Variants in RPS6KA2 observed in about 807,000 individuals in gnomAD.
The protein encoded by RPS6KA2 is ribosomal protein S6 kinase alpha-2.
In RPS6KA2, 42 loss-of-function variants were observed where a neutral mutation model predicts 91.8. The ratio of observed to expected loss-of-function variants is 0.46; its 90% CI spans 0.36 to 0.59. The LOEUF (loss-of-function observed/expected upper bound fraction) is 0.59, where lower values mean the gene tolerates loss of function less well. Ranked by LOEUF, RPS6KA2 falls within the 20% of genes least tolerant of loss-of-function variation. The pLI is 0.00. For synonymous variants in RPS6KA2, 414 were observed against 393.6 expected, an observed-to-expected ratio of 1.05 and a Z score of -0.61; for missense variants, 798 against 978.5, an observed-to-expected ratio of 0.82 and a Z score of 2.46.
intron 7 of RPS6KA2, among the ~76,000 whole-genome samples, chr6:166,498,855 C>A (rs1781901082): frequency 6.6e-6 from 1 of 152,196 alleles, no homozygotes; most frequent in Admixed American, 6.5e-5. Context: ...AAGCCGAAAT[C>A]CTCAAAGCGT....
At chr6:166,549,733 G>A (rs371679852) in intron 1 of RPS6KA2, among the ~76,000 whole-genome samples, 41 of 152,074 alleles carry the variant, frequency 2.7e-4, no homozygotes, top group African/African-American at 9.7e-4. Flanking sequence ...TCATCAGGAT[G>A]GTATTGCCAC....
At chr6:166,559,772 A>G (rs1414344113) in intron 1 of RPS6KA2, among the ~76,000 whole-genome samples, 1 of 152,208 alleles carries the variant, frequency 6.6e-6, no homozygotes, top group African/African-American at 2.4e-5. Context: ...GTTATACCAT[A>G]TATTAGATGT....
At chr6:166,545,844 C>G (rs1473900600) in intron 1 of RPS6KA2, among the ~76,000 whole-genome samples, 1 of 152,218 alleles carries the variant, frequency 6.6e-6, no homozygotes, top group African/African-American at 2.4e-5. Flanking sequence ...TAAACGGTGA[C>G]TGACAGATGG....
intron 2 of RPS6KA2, among the ~76,000 whole-genome samples, chr6:166,658,263 T>C (rs1368306811): frequency 6.6e-6 from 1 of 152,110 alleles, no homozygotes; most frequent in Admixed American, 6.5e-5. Context: ...GGGTCAGCCC[T>C]GCTGAGCCCA....
chr6:166,416,419 C>G (rs562542674), intron 19 of RPS6KA2, among the ~76,000 whole-genome samples: 1 of 152,132 alleles, frequency 6.6e-6, no homozygotes, highest in South Asian at 2.1e-4. Context: ...ATCCCCATCA[C>G]CTCCACCATT....
intron 2 of RPS6KA2, among the ~76,000 whole-genome samples, chr6:166,799,721 T>C (rs1380449646): frequency 6.6e-6 from 1 of 151,922 alleles, no homozygotes; most frequent in East Asian, 1.9e-4. Flanking sequence ...CCAGAAGATA[T>C]ACCTTTTTCA....
chr6:166,666,558 A>G lies in RPS6KA2; in HGVS notation c.124-127774T>C, dbSNP rs985066951. On this transcript the variant is annotated intron_variant, in intron 2 of 21. Transcript: ENST00000503859. This position sits in a 1 kb window ranked among gnomAD's most constrained non-coding sequence, Gnocchi z 4.0. ...AAATCAACACCACAAGCAAATCAAC[A>G]CCCGATAAGATACCCCCTCTCACCT... Among the ~76,000 whole-genome samples, 1 of 152,148 alleles carries G rather than the reference A, an allele frequency of 6.6e-6. No homozygotes were observed. Among genetic ancestry groups the G allele is most frequent in the African/African-American group, 2.4e-5 (1 of 41,436 alleles).
rs1786216880 is a variant in RPS6KA2, at chr6:166,612,418, C to A, written c.99+14503G>T. Among the ~76,000 whole-genome samples, 1 of 152,124 alleles carries A rather than the reference C, an allele frequency of 6.6e-6. No homozygotes were observed. The highest frequency in any genetic ancestry group is 6.5e-5 in the Admixed American group (1 of 15,272). On this transcript the variant is annotated intron_variant, in intron 1 of 20. Coordinates refer to ENST00000265678, the MANE Select transcript of RPS6KA2 (RefSeq NM_021135.6). The surrounding 1 kb of genome is among the most constrained non-coding windows in gnomAD (Gnocchi z 4.3). ...TTCCTTAGGAGAAAGATGGCATGCA[C>A]CCCTGGGTCACCTGGCAAAGCTATA...
intron 2 of RPS6KA2, among the ~76,000 whole-genome samples, chr6:166,779,710 C>T (rs1302924196): frequency 2.6e-5 from 4 of 152,156 alleles, no homozygotes; most frequent in Non-Finnish European, 4.4e-5. Flanking sequence ...TGAGCAGATT[C>T]GGCTCAACTC....
intron 2 of RPS6KA2, among the ~76,000 whole-genome samples, chr6:166,755,903 T>C (rs1477791247): frequency 1.3e-5 from 2 of 152,246 alleles, no homozygotes; most frequent in Non-Finnish European, 2.9e-5. Context: ...CACGTGTGGA[T>C]AAGCCACTTG....
rs564159071 is a variant in RPS6KA2 at position 166,448,608 on chromosome 6, C to T, written c.1332+116G>A. 409 of 1,316,294 alleles carry T rather than the reference C, an allele frequency of 3.1e-4. 3 individuals are homozygous for T. In the African/African-American group the frequency reaches 4.6e-3, roughly 15 times the overall value. The allele number at this position is 1,316,294 out of a possible 1,614,324, so 81.5% of individuals were successfully genotyped here. ...CCCATGTGCTGTACATGCTCCCACA[C>T]GCTGCACTCACACAGGGCCCTGCTA... On this transcript the variant is annotated intron_variant, in intron 14 of 20. Coordinates refer to ENST00000265678, the MANE Select transcript of RPS6KA2 (RefSeq NM_021135.6). The surrounding 1 kb of genome is among the most constrained non-coding windows in gnomAD (Gnocchi z 4.7).
At chr6:166,589,725 A>G (rs113484377) in intron 1 of RPS6KA2, among the ~76,000 whole-genome samples, 143 of 152,366 alleles carry the variant, frequency 9.4e-4, no homozygotes, top group African/African-American at 3.2e-3. Flanking sequence ...CTCTGCATGA[A>G]AAACAGAGCG....
chr6:166,860,079 T>C (rs990285944), intron 1 of RPS6KA2, among the ~76,000 whole-genome samples: 2 of 152,150 alleles, frequency 1.3e-5, no homozygotes, highest in African/African-American at 2.4e-5. Flanking sequence ...TGGACAAAAC[T>C]AGAGAGGAAA....
At chr6:166,450,539 TGGGGACCACCACA>T (rs148761401) in intron 13 of RPS6KA2, among the ~76,000 whole-genome samples, 2,204 of 120,618 alleles carry the variant, frequency 0.018, no homozygotes, top group East Asian at 0.12. Flanking sequence ...GGGAACACCA[TGGGGACCACCACA>T]GGGGACCACC....
chr6:166,791,967 G>C (rs565605935), intron 2 of RPS6KA2, among the ~76,000 whole-genome samples: 33 of 151,946 alleles, frequency 2.2e-4, no homozygotes, highest in Admixed American at 1.1e-3. Context: ...AGAGAAGCAA[G>C]AGCAAACACA....
chr6:166,770,801 T>TA lies in RPS6KA2; in HGVS notation c.123+87398dup, dbSNP rs555974651. The TA allele has an allele frequency of 5.5e-3, 7,186 of 1,299,094 alleles. 15 individuals carry two copies. The highest frequency in any genetic ancestry group is 0.022 in the African/African-American group (1,476 of 66,100). The allele number at this position is 1,299,094 out of a possible 1,614,324, so 80.5% of individuals were successfully genotyped here. Reference sequence around the variant, plus strand: ...ATTGAAAAAGACTTCATGTTTAACTTAAAAAAAAAATGTAACTCACATAAG... The same window carrying TA: ...ATTGAAAAAGACTTCATGTTTAACTTAAAAAAAAAAATGTAACTCACATAAG... On this transcript the variant is annotated intron_variant, in intron 2 of 21. Coordinates refer to the RPS6KA2 transcript ENST00000503859. This position sits in a 1 kb window ranked among gnomAD's most constrained non-coding sequence, Gnocchi z 5.1.
chr6:166,663,222 C>T (rs1020660211), intron 2 of RPS6KA2, among the ~76,000 whole-genome samples: 6 of 152,220 alleles, frequency 3.9e-5, no homozygotes, highest in African/African-American at 1.4e-4. Flanking sequence ...AATAGATAAT[C>T]TTCCTACTGT....
At chr6:166,822,468 C>T (rs1233105456) in intron 2 of RPS6KA2, among the ~76,000 whole-genome samples, 1 of 152,216 alleles carries the variant, frequency 6.6e-6, no homozygotes, top group Non-Finnish European at 1.5e-5. Context: ...GGAACCCACC[C>T]TGTGGACACC....
chr6:166,538,877 G>A (rs1783566339), intron 1 of RPS6KA2, 93 bp from the exon 2 acceptor site: 8 of 661,726 alleles, frequency 1.2e-5, no homozygotes, highest in Non-Finnish European at 1.9e-5. Flanking sequence ...CCACGAGCTG[G>A]GTCTGTTACA....
Sources: gnomAD v4.1 joint callset for allele counts (sites outside exome capture counted in the v4.1 genomes callset) on GRCh38, gnomAD v4.1.1 for gene constraint, Gnocchi (gnomAD v3.1) non-coding constraint, MANE v1.5 for transcripts, NCBI Gene and HGNC (gene_info 2026-07-23, HGNC 2026-07-21) for gene names.